Variants in PPFIA1 observed in about 807,000 individuals in gnomAD.
PPFIA1 encodes the protein liprin-alpha-1.
In PPFIA1, 25 loss-of-function variants were observed where a neutral mutation model predicts 149.9. The ratio of observed to expected loss-of-function variants is 0.17; its 90% CI spans 0.12 to 0.23. The LOEUF is 0.23. Among genes scored for constraint, PPFIA1 ranks in the 10% least tolerant of loss-of-function variants. The pLI is 1.00. For synonymous variants in PPFIA1, 549 were observed against 552.8 expected, an observed-to-expected ratio of 0.99 and a Z score of 0.10; for missense variants, 1,362 against 1,506.5, an observed-to-expected ratio of 0.90 and a Z score of 1.59.
At chr11:70,380,289 C>T (rs940542345) in intron 26 of PPFIA1, among the ~76,000 whole-genome samples, 4 of 151,572 alleles carry the variant, frequency 2.6e-5, no homozygotes, top group African/African-American at 4.9e-5. Flanking sequence ...AAAAATCGGC[C>T]GGGCTCGGTG....
At chr11:70,378,325 A>G (rs773195006) in intron 26 of PPFIA1, 130 bp downstream of exon 26, 8 of 1,352,286 alleles carry the variant, frequency 5.9e-6, no homozygotes, top group East Asian at 2.6e-5. Context: ...TGCATGTCCA[A>G]ATATAAATGT....
At chr11:70,376,245 T>G (rs1383614310) in intron 24 of PPFIA1, among the ~76,000 whole-genome samples, 1 of 152,222 alleles carries the variant, frequency 6.6e-6, no homozygotes, top group Non-Finnish European at 1.5e-5. Flanking sequence ...TGTCTCGGCC[T>G]CCCAAAGTAC....
rs1262265732 is a variant in PPFIA1 at position 70,378,113 on chromosome 11, A to G, written c.3468A>G (p.Ser1156=). The stretch of plus-strand genomic sequence containing the variant: ...ACATTCGTGGCTTAGCTGCTGGGTC[A>G]GCAGAGACTCTCCCTGCAAACTTCC... ...PKDIRGLAAG[S]AETLPANFRV... The change falls in exon 26 of 28, where the codon TCA becomes TCG. Residue 1156 remains serine, a synonymous_variant. Coordinates refer to ENST00000253925, the MANE Select transcript of PPFIA1 (RefSeq NM_003626.5). 1.2e-6 allele frequency: 2 copies of G among 1,614,222 alleles called. No individual in the cohort carries two copies. Among genetic ancestry groups the G allele is most frequent in the East Asian group, 2.2e-5 (1 of 44,884 alleles).
At chr11:70,277,485 T>C (rs1391885728) in intron 2 of PPFIA1, among the ~76,000 whole-genome samples, 2 of 151,982 alleles carry the variant, frequency 1.3e-5, no homozygotes, top group Non-Finnish European at 2.9e-5. Context: ...TTTCTTGTTT[T>C]TTTTTTTTCT....
intron 26 of PPFIA1, among the ~76,000 whole-genome samples, chr11:70,379,622 A>AAT (rs1555130473): frequency 0.17 from 26,071 of 151,618 alleles, 2,862 homozygotes; most frequent in African/African-American, 0.3. Flanking sequence ...AAAAAAAAAA[A>AAT]AATAATAATT....
At chr11:70,331,399 T>C (rs2054650091) in intron 8 of PPFIA1, among the ~76,000 whole-genome samples, 1 of 151,072 alleles carries the variant, frequency 6.6e-6, no homozygotes, top group Non-Finnish European at 1.5e-5. Flanking sequence ...TTAAAAGTTA[T>C]TTAGGAAAAG....
intron 2 of PPFIA1, among the ~76,000 whole-genome samples, chr11:70,290,062 C>T (rs538272791): frequency 6.6e-6 from 1 of 152,068 alleles, no homozygotes; most frequent in African/African-American, 2.4e-5. Flanking sequence ...AACCCCATCT[C>T]TACAAAAAAT....
Position 70,335,688 on chromosome 11 carries a change from A to G in PPFIA1, c.1422A>G (p.Glu474=), listed in dbSNP as rs374359436. ...LHLKERMAAL[E]DKNSLLREVE... ...TTAAAGAGAGAATGGCTGCTTTGGAAGATAAGGTAAGTTAGATAACACGGA... is the reference window on the plus strand; with the variant it reads ...TTAAAGAGAGAATGGCTGCTTTGGAGGATAAGGTAAGTTAGATAACACGGA... Residue 474 remains glutamate (E), a synonymous_variant, in exon 11 of 28, where the codon GAA becomes GAG. Transcript: ENST00000253925. The G allele has an allele frequency of 6.2e-7, 1 of 1,613,880 alleles. No homozygotes were observed.
intron 21 of PPFIA1, chr11:70,371,748 T>C (rs2057278804): frequency 6.6e-6 from 1 of 152,334 alleles, no homozygotes; most frequent in African/African-American, 2.4e-5. Flanking sequence ...CTTTATCTCT[T>C]CTCTAAAACT....
Position 70,372,474 on chromosome 11 carries a change from T to C in PPFIA1, c.3042-3T>C. On this transcript the variant is annotated splice_polypyrimidine_tract_variant and splice_region_variant and intron_variant, in intron 22 of 27. Transcript: ENST00000253925. ...TAAATCATCTCTCTTTTCTTCCAAA[T>C]AGAAACAGTTTCCAGTGTGGAATTA... The C allele has an allele frequency of 1.2e-6, 2 of 1,613,592 alleles. No individual in the cohort carries two copies. Among genetic ancestry groups the C allele is most frequent in the Non-Finnish European group, 1.7e-6 (2 of 1,179,558 alleles).
intron 2 of PPFIA1, among the ~76,000 whole-genome samples, chr11:70,297,206 C>T (rs1396497107): frequency 2.0e-5 from 3 of 151,986 alleles, no homozygotes; most frequent in South Asian, 2.1e-4. Context: ...GCCAGGAGTT[C>T]GAGACCAGCC....
chr11:70,343,952 T>C (rs3781648), intron 15 of PPFIA1, 60 bp downstream of exon 15: 182,499 of 1,433,406 alleles, frequency 0.13, 13,679 homozygotes, highest in African/African-American at 0.31. Flanking sequence ...GAATCTCATC[T>C]TGCCTGGAAA....
chr11:70,343,816 C>T lies in PPFIA1; in HGVS notation c.1855C>T (p.Pro619Ser). ...TLLSSVDLLS[P>S]SGQADAHTLA... Reference sequence around the variant, plus strand: ...CCTCAGCTCAGTTGACCTGCTATCGCCCAGCGGGCAGGCCGACGCGCACAC... The same window carrying T: ...CCTCAGCTCAGTTGACCTGCTATCGTCCAGCGGGCAGGCCGACGCGCACAC... Residue 619 changes from proline (P) to serine (S), a missense_variant, in exon 15 of 28, where the codon CCC becomes TCC. By Grantham distance (74) the Pro-to-Ser change is moderately conservative (BLOSUM62 -1). Transcript: ENST00000253925. The T allele has an allele frequency of 6.2e-7, 1 of 1,614,150 alleles. No individual in the cohort carries two copies. The highest frequency in any genetic ancestry group is 1.1e-5 in the South Asian group (1 of 91,078).
At chr11:70,369,876 ATCC>A (rs2057138908) in intron 21 of PPFIA1, among the ~76,000 whole-genome samples, 1 of 151,378 alleles carries the variant, frequency 6.6e-6, no homozygotes, top group South Asian at 2.1e-4. Context: ...GACTCAAGCC[ATCC>A]TCCTGCTTCA....
intron 2 of PPFIA1, among the ~76,000 whole-genome samples, chr11:70,295,059 G>T (rs61887401): frequency 0.45 from 68,313 of 150,318 alleles, 17,886 homozygotes; most frequent in African/African-American, 0.72. Flanking sequence ...CGTTCTCAAT[G>T]AGCTGTTGGG....
In PPFIA1 at chr11:70,355,713, C is replaced by T; in HGVS notation, c.2390C>T (p.Ala797Val). Residue 797 changes from alanine to valine, a missense_variant, in exon 18 of 28, where the codon GCC (alanine) becomes GTC (valine). By Grantham distance (64) the Ala-to-Val change is moderately conservative. Transcript: ENST00000253925. ...SNSSQDSLHKAPKKKGIKSSI... is the reference protein window; with the variant it reads ...SNSSQDSLHKVPKKKGIKSSI... ...AGTAGCCAGGACTCGCTCCACAAAG[C>T]CCCAAAGAAGAAAGGCATTAAGTCC... 1 of 1,614,114 alleles carries T rather than the reference C, an allele frequency of 6.2e-7. No homozygotes were observed. The highest frequency in any genetic ancestry group is 8.5e-7 in the Non-Finnish European group (1 of 1,180,004).
At chr11:70,335,402 G>A (rs1419752328) in intron 10 of PPFIA1, among the ~76,000 whole-genome samples, 161 bp from the exon 11 acceptor site, 2 of 152,142 alleles carry the variant, frequency 1.3e-5, no homozygotes, top group Non-Finnish European at 2.9e-5. Flanking sequence ...TCCATGAGTT[G>A]GTTCTGGTCA....
At position 70,324,943 on chromosome 11, in the gene PPFIA1, T is replaced by G. The variant is rs1200679688; in HGVS notation, c.463T>G (p.Ser155Ala). The G allele has an allele frequency of 6.2e-7, 1 of 1,614,124 alleles. No individual in the cohort carries two copies. The highest frequency in any genetic ancestry group is 8.5e-7 in the Non-Finnish European group (1 of 1,180,000). The change falls in exon 4 of 28, where the codon TCC (serine) becomes GCC (alanine). Residue 155 changes from serine to alanine, a missense_variant. Ser to Ala is a moderately conservative substitution (Grantham distance 99). Transcript: ENST00000253925. ...ACAAGCGCAGTCTCCAGCAGGCGTG[T>G]CCAGCGAAGTGGAAGTGCTGAAAGC... ...KRQAQSPAGV[S>A]SEVEVLKALK...
intron 23 of PPFIA1, chr11:70,373,365 G>T: frequency 6.6e-6 from 1 of 152,302 alleles, no homozygotes; most frequent in South Asian, 2.1e-4. Context: ...GTAGCTCCTG[G>T]GAGTACAGGT....
Sources: allele counts gnomAD v4.1 joint callset (sites outside exome capture counted in the v4.1 genomes callset), GRCh38; gene constraint gnomAD v4.1.1; transcripts MANE v1.5; gene names NCBI Gene and HGNC (gene_info 2026-07-23, HGNC 2026-07-21).